KMT5A: variants seen among roughly 807,000 people sequenced by gnomAD.
The protein encoded by KMT5A is lysine methyltransferase 5A.
Under a neutral mutation model 40.6 loss-of-function variants are expected in KMT5A, and 6 were observed. The observed-to-expected ratio is 0.15, with a 90% CI of 0.08 to 0.29. KMT5A has a LOEUF of 0.29. Among genes scored for constraint, KMT5A ranks in the 10% least tolerant of loss-of-function variants. KMT5A has a pLI of 1.00. For missense variants in KMT5A, 308 were observed against 459.1 expected (o/e 0.67, Z 3.01); for synonymous variants, 153 against 178.8 (o/e 0.86, Z 1.15).
At chr12:123,401,373 C>A (rs1878159095) in intron 5 of KMT5A, among the ~76,000 whole-genome samples, 1 of 151,174 alleles carries the variant, frequency 6.6e-6, no homozygotes. Flanking sequence ...TGGTCTCGAT[C>A]TCCTGACTTC....
chr12:123,384,307 C>A lies in KMT5A; in HGVS notation c.10+99C>A. The A allele has an allele frequency of 6.6e-7, 1 of 1,514,108 alleles. No homozygotes were observed. The allele number at this position is 1,514,108 out of a possible 1,614,324, so 93.8% of individuals were successfully genotyped here. A position where few individuals can be genotyped will look rare whatever the true frequency, so the allele number is the denominator to read the frequency against. On this transcript the variant is annotated intron_variant, in intron 1 of 7. Coordinates refer to ENST00000402868, the MANE Select transcript of KMT5A (RefSeq NM_020382.7). This position sits in a 1 kb window ranked among gnomAD's most constrained non-coding sequence, Gnocchi z 5.7. ...AGCGGCTGCGGGGAGGCGTCCTCCTCGGGTGGCTCGGGGCAAGCTTGGGGA... is the reference window on the plus strand; with the variant it reads ...AGCGGCTGCGGGGAGGCGTCCTCCTAGGGTGGCTCGGGGCAAGCTTGGGGA...
intron 2 of KMT5A, 71 bp downstream of exon 2, chr12:123,389,625 C>CCGGG: frequency 9.8e-7 from 1 of 1,022,908 alleles, no homozygotes. Flanking sequence ...ATGGGCGACC[C>CCGGG]CGGGTACCCG....
At position 123,409,210 on chromosome 12, in the gene KMT5A, G is replaced by A. The variant is rs1388722942; in HGVS notation, c.*1507G>A. ...GTCAGTGGTCAGCAAATTGGAAGAG[G>A]ATCCGATGGGAGTGTAAATGTGAGA... On this transcript the variant is annotated 3_prime_UTR_variant, in exon 8 of 8. Coordinates refer to ENST00000402868, the MANE Select transcript of KMT5A (RefSeq NM_020382.7). The A allele has an allele frequency of 6.6e-6, 1 of 152,604 alleles. No homozygotes were observed. The highest frequency in any genetic ancestry group is 1.5e-5 in the Non-Finnish European group (1 of 68,042). 9.5% of individuals were successfully genotyped at this position (152,604 alleles called of 1,614,324 possible).
rs946485550 is a variant in KMT5A at position 123,384,639 on chromosome 12, G to C, written c.10+431G>C. 2.6e-5 allele frequency among the ~76,000 whole-genome samples: 4 copies of C among 152,258 alleles called. No individual in the cohort carries two copies. Among genetic ancestry groups the C allele is most frequent in the African/African-American group, 9.6e-5 (4 of 41,468 alleles). On this transcript the variant is annotated intron_variant, in intron 1 of 7. Coordinates refer to ENST00000402868, the MANE Select transcript of KMT5A (RefSeq NM_020382.7). This position sits in a 1 kb window ranked among gnomAD's most constrained non-coding sequence, Gnocchi z 5.7. ...TGATCCCGAGGCGAAGGCGCAGATC[G>C]ATAACCTGCATATTGGGGTGCGCGT... is the stretch of plus-strand genomic sequence containing the variant.
chr12:123,396,391 C>T lies in KMT5A; in HGVS notation c.556C>T (p.Pro186Ser). 6.2e-7 allele frequency: 1 copy of T among 1,614,030 alleles called. No homozygotes were observed. The highest frequency in any genetic ancestry group is 1.1e-5 in the South Asian group (1 of 91,082). The change falls in exon 5 of 8, where the codon CCT becomes TCT. Residue 186 changes from proline (P) to serine (S), a missense_variant. Physicochemically the swap from Pro to Ser is moderately conservative, Grantham distance 74 (BLOSUM62 -1). Coordinates refer to ENST00000402868, the MANE Select transcript of KMT5A (RefSeq NM_020382.7). ...QQNRKLTDFY[P>S]VRRSSRKSKA... is the part of the protein sequence containing the mutation. The stretch of plus-strand genomic sequence containing the variant: ...GAATCGCAAACTTACGGATTTCTAC[C>T]CTGTCCGAAGGAGCTCCAGGAAGAG...
chr12:123,397,661 C>A (rs1258659842), intron 5 of KMT5A, among the ~76,000 whole-genome samples: 1 of 111,208 alleles, frequency 9.0e-6, no homozygotes, highest in Admixed American at 1.2e-4. Context: ...TGTGCTAGGT[C>A]ACTTTTTTTT....
At chr12:123,400,442 C>T (rs543412395) in intron 5 of KMT5A, among the ~76,000 whole-genome samples, 1 of 150,236 alleles carries the variant, frequency 6.7e-6, no homozygotes, top group African/African-American at 2.4e-5. Context: ...CTCACTGCAA[C>T]CTCCACCTCC....
chr12:123,395,292 C>T (rs749007791), intron 4 of KMT5A, 26 bp downstream of exon 4: 3 of 1,602,560 alleles, frequency 1.9e-6, no homozygotes, highest in Non-Finnish European at 1.7e-6. Flanking sequence ...AGTCCTCTTC[C>T]TAACGTGGAG....
chr12:123,405,728 C>T, intron 7 of KMT5A, among the ~76,000 whole-genome samples: 1 of 151,560 alleles, frequency 6.6e-6, no homozygotes, highest in Admixed American at 6.6e-5. Flanking sequence ...ATTATGTTGG[C>T]CAGGCTGGTC....
intron 1 of KMT5A, among the ~76,000 whole-genome samples, chr12:123,387,766 C>T (rs1014447974): frequency 6.6e-6 from 1 of 152,150 alleles, no homozygotes; most frequent in Non-Finnish European, 1.5e-5. Flanking sequence ...CTACAAACAG[C>T]CATTTGCTTA....
In KMT5A at chr12:123,408,732, G is replaced by C. The variant is rs563464878; in HGVS notation, c.*1029G>C. On this transcript the variant is annotated 3_prime_UTR_variant, in exon 8 of 8. Transcript: ENST00000402868. ...GGTTGAAAGTTCCAGACCTGCTGTC[G>C]AGGCCTTGTGTTTGTCAGACACCCA... 1 of 152,400 alleles carries C rather than the reference G, an allele frequency of 6.6e-6. No homozygotes were observed. The highest frequency in any genetic ancestry group is 2.4e-5 in the African/African-American group (1 of 41,444). 9.4% of individuals were successfully genotyped at this position (152,400 alleles called of 1,614,324 possible). A position where few individuals can be genotyped will look rare whatever the true frequency, so the allele number is the denominator to read the frequency against.
At chr12:123,390,031 A>T (rs1183388958) in intron 2 of KMT5A, 1 of 465,772 alleles carries the variant, frequency 2.1e-6, no homozygotes, top group African/African-American at 2.0e-5. Context: ...GCTTGCGACA[A>T]AGTGGCCGCC....
At chr12:123,395,589 A>G (rs887142365) in intron 4 of KMT5A, among the ~76,000 whole-genome samples, 3 of 145,286 alleles carry the variant, frequency 2.1e-5, no homozygotes, top group African/African-American at 7.7e-5. Context: ...TTTTTTTGAG[A>G]CAGAGTCTCT....
chr12:123,392,678 A>G (rs1186180314), intron 3 of KMT5A, among the ~76,000 whole-genome samples: 1 of 152,024 alleles, frequency 6.6e-6, no homozygotes, highest in African/African-American at 2.4e-5. Flanking sequence ...ATAAAAATAA[A>G]AAGAATTTAG....
chr12:123,392,086 C>T (rs1877358091), intron 3 of KMT5A, among the ~76,000 whole-genome samples: 2 of 152,180 alleles, frequency 1.3e-5, no homozygotes, highest in African/African-American at 4.8e-5. Flanking sequence ...CTCACACACA[C>T]AGGACTGTTT....
chr12:123,391,594 C>T (rs902750729), intron 3 of KMT5A, among the ~76,000 whole-genome samples: 2 of 152,220 alleles, frequency 1.3e-5, no homozygotes, highest in Non-Finnish European at 2.9e-5. Flanking sequence ...AAATGTTAAA[C>T]CCGAAAATAC....
At chr12:123,403,890 GT>G (rs1490223088) in intron 6 of KMT5A, among the ~76,000 whole-genome samples, 1 of 152,228 alleles carries the variant, frequency 6.6e-6, no homozygotes, top group African/African-American at 2.4e-5. Flanking sequence ...AAACAATTCA[GT>G]GGCTTTTTGT....
At chr12:123,393,819 G>A (rs549479988) in intron 3 of KMT5A, among the ~76,000 whole-genome samples, 16 of 152,242 alleles carry the variant, frequency 1.1e-4, no homozygotes, top group African/African-American at 3.6e-4. Context: ...TTTATGGCTG[G>A]ATAATACTCC....
At chr12:123,395,527 A>T (rs377589420) in intron 4 of KMT5A, among the ~76,000 whole-genome samples, 44 of 148,576 alleles carry the variant, frequency 3.0e-4, no homozygotes, top group South Asian at 6.3e-4. Context: ...TTTTAAATTT[A>T]TTTTTTTTGT....
Sources: gnomAD v4.1 joint callset for allele counts (sites outside exome capture counted in the v4.1 genomes callset) on GRCh38, gnomAD v4.1.1 for gene constraint, Gnocchi (gnomAD v3.1) non-coding constraint, MANE v1.5 for transcripts, NCBI Gene and HGNC (gene_info 2026-07-23, HGNC 2026-07-21) for gene names.